The following WWOX variants were observed in gnomAD, a reference collection of about 807,000 sequenced individuals.
WWOX encodes WW domain containing oxidoreductase, also known as WW domain-containing oxidoreductase.
Under a neutral mutation model 46.2 loss-of-function variants are expected in WWOX, and 69 were observed. That is an observed-to-expected ratio of 1.49 (90% CI 1.23 to 1.82). The LOEUF is 1.82. Among genes scored for constraint, WWOX ranks in the 40% most tolerant of loss-of-function variants. The pLI is 0.00. For missense variants in WWOX, 919 were observed against 542.6 expected (o/e 1.69, Z -6.89); for synonymous variants, 359 against 202.6 (o/e 1.77, Z -6.56).
In WWOX at chr16:78,432,494, A is replaced by G. The variant is rs377727422; in HGVS notation, c.798A>G (p.Thr266=). The change falls in exon 8 of 9, where the codon ACA becomes ACG. Residue 266 remains threonine (T), a synonymous_variant. Transcript: ENST00000566780. ...CATATTTCCTATTTTTAAGATTTACAGATATTAACGACTCCTTGGGAAAAC... is the reference window on the plus strand; with the variant it reads ...CATATTTCCTATTTTTAAGATTTACGGATATTAACGACTCCTTGGGAAAAC... ...IVVSSESHRF[T]DINDSLGKLD... The G allele has an allele frequency of 1.2e-6, 2 of 1,614,048 alleles. No individual in the cohort carries two copies. The highest frequency in any genetic ancestry group is 1.7e-6 in the Non-Finnish European group (2 of 1,180,012).
intron 8 of WWOX, among the ~76,000 whole-genome samples, chr16:78,856,145 A>C (rs2052561042): frequency 6.6e-6 from 1 of 152,214 alleles, no homozygotes; most frequent in African/African-American, 2.4e-5. Flanking sequence ...GGTTGAAAAG[A>C]GTCAGTCTGG....
intron 8 of WWOX, among the ~76,000 whole-genome samples, chr16:78,689,606 C>G (rs2047940149): frequency 6.6e-6 from 1 of 152,122 alleles, no homozygotes; most frequent in Non-Finnish European, 1.5e-5. Flanking sequence ...CTGCCTTCAG[C>G]AAAAATCCTG....
intron 8 of WWOX, among the ~76,000 whole-genome samples, chr16:78,792,423 C>T (rs1304482497): frequency 1.3e-5 from 2 of 152,134 alleles, no homozygotes; most frequent in African/African-American, 2.4e-5. Context: ...CCTATTGCTT[C>T]TTCATTCTGG....
chr16:78,115,847 G>C (rs1043182382), intron 4 of WWOX, among the ~76,000 whole-genome samples: 1 of 152,152 alleles, frequency 6.6e-6, no homozygotes, highest in Non-Finnish European at 1.5e-5. Context: ...CACCTGCTTT[G>C]AGTTTAGATA....
intron 8 of WWOX, among the ~76,000 whole-genome samples, chr16:78,947,092 A>G (rs1054164080): frequency 3.3e-5 from 5 of 151,642 alleles, no homozygotes; most frequent in African/African-American, 1.2e-4. Context: ...TGCTCAATAA[A>G]TCCCTGTGGA....
chr16:78,471,519 G>A (rs1051609723), intron 8 of WWOX, among the ~76,000 whole-genome samples: 3 of 152,188 alleles, frequency 2.0e-5, no homozygotes, highest in Non-Finnish European at 4.4e-5. Flanking sequence ...TGATTGTGGT[G>A]GTTTGGGATG....
intron 8 of WWOX, among the ~76,000 whole-genome samples, chr16:78,489,323 T>G (rs565015791): frequency 6.4e-4 from 97 of 152,270 alleles, no homozygotes; most frequent in African/African-American, 2.3e-3. Flanking sequence ...TCGCTCTGCT[T>G]GGAATAATGA....
At chr16:78,912,453 G>A (rs773816774) in intron 8 of WWOX, among the ~76,000 whole-genome samples, 3 of 151,870 alleles carry the variant, frequency 2.0e-5, no homozygotes, top group African/African-American at 4.8e-5. Flanking sequence ...GTTTTTGCCT[G>A]CGTCTTCACC....
chr16:78,244,879 C>T (rs2037768697), intron 5 of WWOX, among the ~76,000 whole-genome samples: 1 of 151,998 alleles, frequency 6.6e-6, no homozygotes, highest in South Asian at 2.1e-4. Context: ...ACAATAGGGA[C>T]ATATTCATAA....
intron 8 of WWOX, among the ~76,000 whole-genome samples, chr16:79,051,146 T>C (rs764390063): frequency 5.3e-5 from 8 of 152,136 alleles, no homozygotes; most frequent in Non-Finnish European, 1.0e-4. Context: ...TGCTGATCAG[T>C]TGTTAATATA....
chr16:78,279,536 T>G (rs565423283), intron 5 of WWOX, among the ~76,000 whole-genome samples: 2 of 152,344 alleles, frequency 1.3e-5, no homozygotes, highest in East Asian at 3.9e-4. Context: ...TCATTTGTGA[T>G]GGGGTGTTTC....
At chr16:79,155,723 A>C (rs192671095) in intron 8 of WWOX, among the ~76,000 whole-genome samples, 4 of 152,280 alleles carry the variant, frequency 2.6e-5, no homozygotes, top group Non-Finnish European at 5.9e-5. Context: ...ATTCCTAAGA[A>C]GCTCCTAACA....
Position 78,402,184 on chromosome 16 carries a change from C to G in WWOX, c.605+15236C>G, listed in dbSNP as rs996540729. On this transcript the variant is annotated intron_variant, in intron 6 of 8. Coordinates refer to ENST00000566780, the MANE Select transcript of WWOX (RefSeq NM_016373.4). The stretch of plus-strand genomic sequence containing the variant: ...AGGCAATCAGCAGTCTGCTTTCTAT[C>G]TCTACCTGTTTGCCTATTCTGGACA... 3.3e-5 allele frequency among the ~76,000 whole-genome samples: 5 copies of G among 152,362 alleles called. No individual in the cohort carries two copies. The South Asian group carries it at 8.3e-4, about 25-fold the overall frequency.
intron 8 of WWOX, among the ~76,000 whole-genome samples, chr16:79,145,326 G>C (rs1221711317): frequency 1.3e-5 from 2 of 152,080 alleles, no homozygotes; most frequent in African/African-American, 4.8e-5. Flanking sequence ...AACTAAAATT[G>C]GGAGAAAGGA....
At chr16:78,772,582 T>G (rs1004344902) in intron 8 of WWOX, among the ~76,000 whole-genome samples, 1 of 152,210 alleles carries the variant, frequency 6.6e-6, no homozygotes, top group Admixed American at 6.5e-5. Context: ...ACAAATACTT[T>G]GGAAGAGATT....
chr16:78,198,813 C>T (rs1013558830), intron 5 of WWOX, among the ~76,000 whole-genome samples: 2 of 152,166 alleles, frequency 1.3e-5, no homozygotes, highest in African/African-American at 4.8e-5. Flanking sequence ...CATTCACACA[C>T]ATGCATACAT....
intron 5 of WWOX, among the ~76,000 whole-genome samples, chr16:78,354,788 C>G (rs960789807): frequency 6.6e-6 from 1 of 152,012 alleles, no homozygotes; most frequent in African/African-American, 2.4e-5. Flanking sequence ...TCTAGATGGC[C>G]TGTCTTTAAC....
At chr16:78,348,851 CTGTTGTTAGTGAGTTTT>C (rs1567515994) in intron 5 of WWOX, among the ~76,000 whole-genome samples, 1 of 119,996 alleles carries the variant, frequency 8.3e-6, no homozygotes, top group East Asian at 1.9e-4. Context: ...AGACTTGTAT[CTGTTGTTAGTGAGTTTT>C]TGTGGTGGTG....
Position 78,537,895 on chromosome 16 carries a change from G to A in WWOX, c.1056+105143G>A, listed in dbSNP as rs1028109053. 2.6e-5 allele frequency among the ~76,000 whole-genome samples: 4 copies of A among 152,252 alleles called. 1 individual carries two copies. Among genetic ancestry groups the A allele is most frequent in the African/African-American group, 7.2e-5 (3 of 41,542 alleles). On this transcript the variant is annotated intron_variant, in intron 8 of 8. Transcript: ENST00000566780. ...CTCGGCCTTCTCCGGAAGGTTGTCC[G>A]CGGTGCCAGTGAGAGCTGCTTTTCA...
Sources: allele counts gnomAD v4.1 joint callset (sites outside exome capture counted in the v4.1 genomes callset), GRCh38; gene constraint gnomAD v4.1.1; transcripts MANE v1.5; gene names NCBI Gene and HGNC (gene_info 2026-07-23, HGNC 2026-07-21).